The following MIAT variants were observed in gnomAD, a reference collection of about 807,000 sequenced individuals.
MIAT encodes the protein MI related novel mRNA.
exon 6 of MIAT, chr22:26,668,339 T>A (rs1220118506): frequency 7.5e-6 from 3 of 398,558 alleles, no homozygotes; most frequent in African/African-American, 4.1e-5. Flanking sequence ...CTCCCATGGA[T>A]AGGAACTCTT....
intron 2 of MIAT, chr22:26,656,211 A>G (rs914503279): frequency 1.3e-5 from 2 of 151,400 alleles, no homozygotes; most frequent in Non-Finnish European, 2.9e-5. Flanking sequence ...GGGTTTCTCC[A>G]TGTTGGTCAG....
chr22:26,668,249 C>G (rs559207287), exon 6 of MIAT: 1 of 398,540 alleles, frequency 2.5e-6, no homozygotes, highest in African/African-American at 2.1e-5. Flanking sequence ...AGTGACTTAG[C>G]GGTCAGACTC....
In MIAT at chr22:26,663,663, A is replaced by G. The variant is rs370463857; in HGVS notation, n.729+265A>G. Among the ~76,000 whole-genome samples, 460 of 152,296 alleles carry G rather than the reference A, an allele frequency of 3.0e-3. 2 individuals carry two copies. Among genetic ancestry groups the G allele is most frequent in the African/African-American group, 0.01 (426 of 41,554 alleles). On this transcript the variant is annotated intron_variant and non_coding_transcript_variant, in intron 3 of 5. Coordinates refer to ENST00000643270, the Ensembl canonical transcript of MIAT. ...CAACTGGTTCTTTGTGCGGCCTTTGATCTGGCACTTTTTAGTTCCAGTCCT... is the reference window on the plus strand; with the variant it reads ...CAACTGGTTCTTTGTGCGGCCTTTGGTCTGGCACTTTTTAGTTCCAGTCCT...
chr22:26,647,427 T>C (rs1211335646), intron 2 of MIAT: 1 of 138,932 alleles, frequency 7.2e-6, no homozygotes, highest in Non-Finnish European at 1.2e-5. Context: ...GAGAGAGAGA[T>C]TGTGTACAAC....
chr22:26,657,477 T>G, intron 2 of MIAT: 1 of 398,652 alleles, frequency 2.5e-6, no homozygotes, highest in Non-Finnish European at 4.4e-6. Context: ...TCATGGGCGC[T>G]GCAGCAGCTA....
At chr22:26,653,793 G>A (rs984723665) in intron 2 of MIAT, among the ~76,000 whole-genome samples, 3 of 152,186 alleles carry the variant, frequency 2.0e-5, no homozygotes, top group Non-Finnish European at 4.4e-5. Context: ...AGGTTGGAGT[G>A]TAGTGGTGCG....
chr22:26,648,235 G>A (rs1391325442), intron 2 of MIAT, among the ~76,000 whole-genome samples: 1 of 152,134 alleles, frequency 6.6e-6, no homozygotes, highest in Non-Finnish European at 1.5e-5. Flanking sequence ...GCAGGTGCAG[G>A]GCGTCTGGAG....
intron 2 of MIAT, chr22:26,658,083 G>A (rs1000735590): frequency 6.6e-6 from 1 of 152,526 alleles, no homozygotes; most frequent in Non-Finnish European, 1.5e-5. Context: ...AACTGGAGGT[G>A]GGGGTGGGGC....
intron 2 of MIAT, among the ~76,000 whole-genome samples, chr22:26,660,476 AAAAAAGAAG>A: frequency 1.3e-5 from 2 of 151,938 alleles, no homozygotes; most frequent in African/African-American, 2.4e-5. Flanking sequence ...AAAAAAAAAA[AAAAAAGAAG>A]AAGAAGAAGA....
rs923686848 is a variant in MIAT at position 26,667,339 on chromosome 22, T to TGTG, written n.2262+30_2262+32dup. The TGTG allele has an allele frequency of 2.2e-5, 6 of 278,272 alleles. No individual in the cohort carries two copies. The East Asian group carries it at 6.0e-4, about 28-fold the overall frequency. The allele number at this position is 278,272 out of a possible 1,614,324, so 17.2% of individuals were successfully genotyped here. ...AGCTCCTCGTCCTGGGAGCAGTGTG[T>TGTG]GTGTGTGTGTGTGTGCGTGTGCACA... On this transcript the variant is annotated intron_variant and non_coding_transcript_variant, in intron 5 of 5. Transcript: ENST00000643270.
chr22:26,675,966 T>C, exon 5 of MIAT: 1 of 398,536 alleles, frequency 2.5e-6, no homozygotes, highest in Non-Finnish European at 4.4e-6. Context: ...ATCTTGACAA[T>C]ATTAGAGGAG....
At chr22:26,657,213 G>T (rs1930490321) in intron 2 of MIAT, 1 of 297,446 alleles carries the variant, frequency 3.4e-6, no homozygotes, top group South Asian at 1.6e-4. Context: ...GGACGGGCAA[G>T]CGTTGCCATG....
downstream of MIAT, chr22:26,670,602 T>TTAAAAAAAA (rs367735721): frequency 3.5e-5 from 11 of 310,500 alleles, no homozygotes; most frequent in Non-Finnish European, 4.8e-5. Context: ...CATTGCTCCT[T>TTAAAAAAAA]AAAAAAAAAA....
chr22:26,670,000 G>T (rs2146017998), downstream of MIAT: 1 of 398,508 alleles, frequency 2.5e-6, no homozygotes, highest in East Asian at 3.6e-5. Context: ...CTGACTCCCA[G>T]TAGGTGCTCA....
chr22:26,667,995 T>A, intron 5 of MIAT: 1 of 395,796 alleles, frequency 2.5e-6, no homozygotes, highest in Non-Finnish European at 4.4e-6. Context: ...AAATGTTTCA[T>A]GTCCAAAACC....
At chr22:26,672,050 C>T, downstream of MIAT, 1 of 399,264 alleles carries the variant, frequency 2.5e-6, no homozygotes, top group Non-Finnish European at 4.4e-6. Context: ...CCGTCTAACC[C>T]CTGGGGTGCC....
intron 2 of MIAT, among the ~76,000 whole-genome samples, chr22:26,651,527 G>A (rs947545545): frequency 1.3e-5 from 2 of 152,182 alleles, no homozygotes; most frequent in African/African-American, 4.8e-5. Context: ...AAAAGGAAAC[G>A]TGGAACAGAG....
chr22:26,668,834 C>T (rs1004848215), exon 6 of MIAT: 1 of 398,752 alleles, frequency 2.5e-6, no homozygotes, highest in Non-Finnish European at 4.4e-6. Flanking sequence ...TGGAGCCTTC[C>T]CCCTGTGCTG....
At chr22:26,671,955 G>T (rs1931061837), downstream of MIAT, 1 of 398,596 alleles carries the variant, frequency 2.5e-6, no homozygotes, top group Non-Finnish European at 4.4e-6. Context: ...CAAGACACTT[G>T]GCTTTGAATC....
Sources: gnomAD v4.1 joint callset for allele counts (sites outside exome capture counted in the v4.1 genomes callset) on GRCh38, gnomAD v4.1.1 for gene constraint, MANE v1.5 for transcripts, NCBI Gene and HGNC (gene_info 2026-07-23, HGNC 2026-07-21) for gene names.